DEPDC1B: variants seen among roughly 807,000 people sequenced by gnomAD.
DEPDC1B encodes the protein DEP domain containing 1B, also known as DEP domain-containing protein 1B.
In DEPDC1B, 51 loss-of-function variants were observed where a neutral mutation model predicts 66.5. The ratio of observed to expected loss-of-function variants is 0.77; its 90% CI spans 0.61 to 0.97. The LOEUF (loss-of-function observed/expected upper bound fraction) is 0.97. Ranked by LOEUF, DEPDC1B falls within the 50% of genes least tolerant of loss-of-function variation. The probability of loss-of-function intolerance (pLI) is 0.00; values close to 1 mark genes in which losing one functional copy is unlikely to be tolerated. For synonymous variants in DEPDC1B, 226 were observed against 223.6 expected (o/e 1.01, Z -0.10); for missense variants, 552 against 637.1 (o/e 0.87, Z 1.44).
chr5:60,635,556 G>C (rs913673755), intron 7 of DEPDC1B, among the ~76,000 whole-genome samples: 13 of 152,198 alleles, frequency 8.5e-5, no homozygotes, highest in African/African-American at 3.1e-4. Context: ...GGAGTTGCAA[G>C]CTCAACTGCC....
chr5:60,645,842 T>C (rs1296547484), intron 3 of DEPDC1B, among the ~76,000 whole-genome samples: 1 of 152,220 alleles, frequency 6.6e-6, no homozygotes, highest in Non-Finnish European at 1.5e-5. Flanking sequence ...TATAAATGAA[T>C]ATTCATGAAT....
At chr5:60,676,197 T>C (rs1033349647) in intron 2 of DEPDC1B, among the ~76,000 whole-genome samples, 7 of 151,766 alleles carry the variant, frequency 4.6e-5, no homozygotes, top group African/African-American at 1.7e-4. Context: ...CCCAAAGTGC[T>C]GCGACTACAG....
chr5:60,684,819 T>G (rs771812195), intron 2 of DEPDC1B, among the ~76,000 whole-genome samples: 1 of 152,138 alleles, frequency 6.6e-6, no homozygotes, highest in Non-Finnish European at 1.5e-5. Flanking sequence ...GAGAAAATAT[T>G]TGAAAACTAT....
At chr5:60,631,811 G>A (rs1752931599) in intron 7 of DEPDC1B, among the ~76,000 whole-genome samples, 1 of 152,182 alleles carries the variant, frequency 6.6e-6, no homozygotes, top group Non-Finnish European at 1.5e-5. Context: ...ATTGTGGTCA[G>A]CCTTATTCAT....
At chr5:60,639,226 A>G (rs1375480373) in intron 6 of DEPDC1B, among the ~76,000 whole-genome samples, 1 of 152,224 alleles carries the variant, frequency 6.6e-6, no homozygotes, top group Non-Finnish European at 1.5e-5. Context: ...AATGTAAACA[A>G]TAATTTTCTT....
chr5:60,645,320 GGA>G (rs1753286522), intron 4 of DEPDC1B, among the ~76,000 whole-genome samples, 170 bp downstream of exon 4: 2 of 152,072 alleles, frequency 1.3e-5, no homozygotes, highest in Admixed American at 1.3e-4. Flanking sequence ...GTAAATAGCA[GGA>G]GATAATCCCC....
intron 2 of DEPDC1B, among the ~76,000 whole-genome samples, chr5:60,676,984 T>C (rs918325187): frequency 6.6e-6 from 1 of 152,222 alleles, no homozygotes. Context: ...GTTAATAATG[T>C]TAAGTGTCTA....
intron 7 of DEPDC1B, among the ~76,000 whole-genome samples, chr5:60,630,363 C>T (rs1018357600): frequency 1.3e-5 from 2 of 152,160 alleles, no homozygotes; most frequent in African/African-American, 2.4e-5. Context: ...CAAGGACCAA[C>T]GGAGCAGCCC....
chr5:60,659,251 C>A (rs1753650338), intron 2 of DEPDC1B, among the ~76,000 whole-genome samples: 1 of 152,086 alleles, frequency 6.6e-6, no homozygotes, highest in Non-Finnish European at 1.5e-5. Context: ...CTTGGGAGCT[C>A]TAAGAACAAA....
chr5:60,663,211 C>T (rs1376930722), intron 2 of DEPDC1B, among the ~76,000 whole-genome samples: 1 of 152,118 alleles, frequency 6.6e-6, no homozygotes, highest in Non-Finnish European at 1.5e-5. Context: ...AAACAATGCC[C>T]GTCCCGTTCA....
At chr5:60,632,418 C>T (rs1330739455) in intron 7 of DEPDC1B, among the ~76,000 whole-genome samples, 2 of 152,228 alleles carry the variant, frequency 1.3e-5, no homozygotes, top group South Asian at 2.1e-4. Context: ...TTGATTGGAG[C>T]CTGGTCCCAC....
intron 2 of DEPDC1B, among the ~76,000 whole-genome samples, chr5:60,667,912 TAAAA>T (rs998246785): frequency 2.2e-5 from 2 of 90,678 alleles, no homozygotes; most frequent in African/African-American, 3.7e-5. Context: ...TTTATATATA[TAAAA>T]AATGGATATT....
chr5:60,684,369 T>C (rs115352885), intron 2 of DEPDC1B, among the ~76,000 whole-genome samples: 3 of 152,128 alleles, frequency 2.0e-5, no homozygotes, highest in East Asian at 3.9e-4. Context: ...GCAATAGTAA[T>C]GAAACAAAAT....
At chr5:60,699,485 A>C (rs1481222918) in intron 1 of DEPDC1B, among the ~76,000 whole-genome samples, 1 of 109,548 alleles carries the variant, frequency 9.1e-6, no homozygotes, top group South Asian at 2.8e-4. Flanking sequence ...GTCGGCAAAG[A>C]CTCTCCTAAA....
intron 2 of DEPDC1B, 74 bp from the exon 3 acceptor site, chr5:60,647,607 T>C: frequency 6.7e-7 from 1 of 1,500,208 alleles, no homozygotes; most frequent in South Asian, 1.3e-5. Flanking sequence ...AGTCTCCACT[T>C]TGGTGTATCT....
At chr5:60,643,868 G>A (rs79360303) in intron 5 of DEPDC1B, among the ~76,000 whole-genome samples, 2,650 of 152,252 alleles carry the variant, frequency 0.017, 80 homozygotes, top group African/African-American at 0.058. Context: ...TCTGAAGACA[G>A]GTTCTGCTCC....
intron 7 of DEPDC1B, among the ~76,000 whole-genome samples, chr5:60,623,982 C>T (rs2111796406): frequency 6.6e-6 from 1 of 152,142 alleles, no homozygotes; most frequent in Middle Eastern, 3.4e-3. Context: ...AATCTTAAAT[C>T]ACTTATTTCA....
chr5:60,613,608 G>A (rs764922887), intron 7 of DEPDC1B, among the ~76,000 whole-genome samples: 2 of 152,094 alleles, frequency 1.3e-5, no homozygotes, highest in Admixed American at 6.5e-5. Flanking sequence ...ACAGGTAATC[G>A]ATAATGATCT....
In DEPDC1B at chr5:60,597,407, A is replaced by G. The variant is rs1752117711; in HGVS notation, c.*346T>C. 5.3e-6 allele frequency: 1 copy of G among 190,312 alleles called. No homozygotes were observed. The highest frequency in any genetic ancestry group is 1.1e-5 in the Non-Finnish European group (1 of 94,002). 11.8% of individuals were successfully genotyped at this position (190,312 alleles called of 1,614,324 possible). A position where few individuals can be genotyped will look rare whatever the true frequency, so the allele number is the denominator to read the frequency against. ...TAAGTCTTAAGGCTATAATAAAGAT[A>G]TCAGTAGCTAGGATGTATATACACA... On this transcript the variant is annotated 3_prime_UTR_variant, in exon 11 of 11. Coordinates refer to ENST00000265036, the MANE Select transcript of DEPDC1B (RefSeq NM_018369.3).
Sources: gnomAD v4.1 joint callset for allele counts (sites outside exome capture counted in the v4.1 genomes callset) on GRCh38, gnomAD v4.1.1 for gene constraint, MANE v1.5 for transcripts, NCBI Gene and HGNC (gene_info 2026-07-23, HGNC 2026-07-21) for gene names.